Variants in EFR3A observed in about 807,000 individuals in gnomAD.
The protein encoded by EFR3A is protein EFR3 homolog A.
Under a neutral mutation model 104.4 loss-of-function variants are expected in EFR3A, and 76 were observed. The observed-to-expected ratio is 0.73, with a 90% CI of 0.60 to 0.88. The LOEUF is 0.88. Among genes scored for constraint, EFR3A ranks in the 40% least tolerant of loss-of-function variants. The probability of loss-of-function intolerance (pLI) is 0.00; values close to 1 mark genes in which losing one functional copy is unlikely to be tolerated. For synonymous variants in EFR3A, 330 were observed against 330.0 expected (o/e 1.00, Z 0.00); for missense variants, 985 against 1,012.5 (o/e 0.97, Z 0.37).
At chr8:131,917,288 C>G (rs1816784800) in intron 1 of EFR3A, among the ~76,000 whole-genome samples, 1 of 152,186 alleles carries the variant, frequency 6.6e-6, no homozygotes, top group African/African-American at 2.4e-5. Context: ...ATTTCTTTCC[C>G]CTTATACAGC....
chr8:131,925,786 T>G (rs1362368958), intron 1 of EFR3A, among the ~76,000 whole-genome samples: 1 of 152,150 alleles, frequency 6.6e-6, no homozygotes, highest in African/African-American at 2.4e-5. Context: ...AGTAGAAAGA[T>G]CTTCTACCTG....
chr8:131,908,218 G>T (rs62521264), intron 1 of EFR3A, among the ~76,000 whole-genome samples: 6,110 of 151,908 alleles, frequency 0.04, 138 homozygotes, highest in South Asian at 0.057. Flanking sequence ...GTGCCACCAC[G>T]CCCGGCTAAT....
chr8:131,979,096 TTTA>T, intron 13 of EFR3A, 77 bp downstream of exon 13: 1 of 1,378,240 alleles, frequency 7.3e-7, no homozygotes. Flanking sequence ...TATTGTGATT[TTTA>T]AAAATCTAGC....
intron 4 of EFR3A, among the ~76,000 whole-genome samples, chr8:131,947,118 C>G (rs964009587): frequency 6.6e-6 from 1 of 151,960 alleles, no homozygotes; most frequent in African/African-American, 2.4e-5. Flanking sequence ...AAAGTGGTTG[C>G]ATTATTTTAC....
intron 20 of EFR3A, among the ~76,000 whole-genome samples, chr8:132,002,127 G>A (rs190184976): frequency 3.0e-3 from 459 of 152,252 alleles, no homozygotes; most frequent in African/African-American, 0.01. Context: ...CCAAATTGTG[G>A]TAAATAAATG....
At chr8:132,008,900 CTGTGATTTACATGGG>C (rs938212615) in intron 22 of EFR3A, among the ~76,000 whole-genome samples, 49 of 137,628 alleles carry the variant, frequency 3.6e-4, no homozygotes, top group Non-Finnish European at 5.9e-4. Flanking sequence ...CTCTATTGGG[CTGTGATTTACATGGG>C]TGTGATTTAC....
intron 1 of EFR3A, among the ~76,000 whole-genome samples, chr8:131,926,185 C>T (rs1348117984): frequency 6.6e-6 from 1 of 151,996 alleles, no homozygotes; most frequent in Non-Finnish European, 1.5e-5. Context: ...GAATTGCTGT[C>T]TCAAAGGCTA....
chr8:131,948,935 A>T (rs940844922), intron 4 of EFR3A, among the ~76,000 whole-genome samples: 2 of 152,110 alleles, frequency 1.3e-5, no homozygotes, highest in Non-Finnish European at 2.9e-5. Context: ...TGCTAATGCC[A>T]ACTCAATATG....
intron 8 of EFR3A, among the ~76,000 whole-genome samples, chr8:131,967,513 C>T (rs561448741): frequency 4.7e-5 from 7 of 150,158 alleles, no homozygotes; most frequent in South Asian, 2.1e-4. Context: ...GATAGTAGAC[C>T]GATCGTGACT....
chr8:131,973,440 TTAAG>T (rs1384396027), intron 10 of EFR3A, among the ~76,000 whole-genome samples: 2 of 152,170 alleles, frequency 1.3e-5, no homozygotes, highest in Non-Finnish European at 2.9e-5. Flanking sequence ...GTATTGTTTC[TTAAG>T]TATTATAAAA....
At chr8:131,975,717 A>G (rs1820293847) in intron 10 of EFR3A, among the ~76,000 whole-genome samples, 1 of 152,044 alleles carries the variant, frequency 6.6e-6, no homozygotes, top group African/African-American at 2.4e-5. Context: ...CACCCGGCCA[A>G]TATTTTTCCT....
chr8:131,969,412 T>G lies in EFR3A; in HGVS notation c.991+982T>G, dbSNP rs576284301. On this transcript the variant is annotated intron_variant, in intron 9 of 22. Transcript: ENST00000254624. The stretch of plus-strand genomic sequence containing the variant: ...ATGGCGTAGTTTTTGCATATAACCT[T>G]TGCACACCCTCCAATATACTTCACA... Among the ~76,000 whole-genome samples the G allele has an allele frequency of 1.8e-3, 279 of 152,236 alleles. 2 individuals carry two copies. The highest frequency in any genetic ancestry group is 6.5e-3 in the African/African-American group (271 of 41,550).
At chr8:132,002,391 A>G (rs56362640) in intron 20 of EFR3A, among the ~76,000 whole-genome samples, 3,218 of 152,142 alleles carry the variant, frequency 0.021, 56 homozygotes, top group Middle Eastern at 0.044. Flanking sequence ...TGTAGTTTTA[A>G]CCCTTAGATT....
chr8:131,971,463 C>T (rs371325560), intron 10 of EFR3A, among the ~76,000 whole-genome samples: 10 of 152,052 alleles, frequency 6.6e-5, no homozygotes, highest in Admixed American at 1.3e-4. Context: ...CTGAGGCGGG[C>T]GGATCACGAG....
intron 14 of EFR3A, among the ~76,000 whole-genome samples, chr8:131,983,550 T>G (rs1365655152): frequency 1.3e-5 from 2 of 152,112 alleles, no homozygotes; most frequent in African/African-American, 4.8e-5. Context: ...TTTACTTAGA[T>G]CAGTCTAGTT....
chr8:132,002,626 GA>G lies in EFR3A; in HGVS notation c.2234del (p.Lys745ArgfsTer7). Reference protein sequence around the residue: ...AIDTSGMEEQEKEKRRLVIEK... With the variant: ...AIDTSGMEEQXKEKRRLVIEK... The stretch of plus-strand genomic sequence containing the variant: ...AGATACCAGTGGAATGGAAGAACAG[GA>G]AAAGGAAAAGAGGCGTCTTGTGATA... On this transcript the variant is annotated frameshift_variant, in exon 21 of 23. Coordinates refer to ENST00000254624, the MANE Select transcript of EFR3A (RefSeq NM_015137.6). LOFTEE classifies it high-confidence loss of function. The G allele has an allele frequency of 6.2e-7, 1 of 1,613,654 alleles. No individual in the cohort carries two copies. Among genetic ancestry groups the G allele is most frequent in the Non-Finnish European group, 8.5e-7 (1 of 1,179,640 alleles).
intron 18 of EFR3A, among the ~76,000 whole-genome samples, chr8:131,990,205 G>A (rs1339763537): frequency 6.6e-6 from 1 of 152,190 alleles, no homozygotes; most frequent in African/African-American, 2.4e-5. Flanking sequence ...CAGCTGATTT[G>A]GTATTATTCT....
intron 1 of EFR3A, among the ~76,000 whole-genome samples, chr8:131,925,280 A>G (rs1817242614): frequency 6.6e-6 from 1 of 152,168 alleles, no homozygotes; most frequent in African/African-American, 2.4e-5. Flanking sequence ...AAAATAATGA[A>G]GATTTTTGTT....
At chr8:131,954,467 G>A (rs1002467319) in intron 6 of EFR3A, among the ~76,000 whole-genome samples, 1 of 151,804 alleles carries the variant, frequency 6.6e-6, no homozygotes, top group Non-Finnish European at 1.5e-5. Flanking sequence ...TTTTGGAACT[G>A]AATATTGTTT....
Sources: allele counts gnomAD v4.1 joint callset (sites outside exome capture counted in the v4.1 genomes callset), GRCh38; gene constraint gnomAD v4.1.1; transcripts MANE v1.5; gene names NCBI Gene and HGNC (gene_info 2026-07-23, HGNC 2026-07-21).